Variants in CSMD1 observed in about 807,000 individuals in gnomAD.
CSMD1 encodes the protein CUB and sushi domain-containing protein 1.
CSMD1 carries 213 observed loss-of-function variants against 417.5 expected under a neutral mutation model. The observed-to-expected ratio is 0.51, with a 90% confidence interval of 0.46 to 0.57. The LOEUF (loss-of-function observed/expected upper bound fraction) is 0.57. CSMD1 is among the 20% of genes least tolerant of loss of function. The pLI is 0.00. For missense variants in CSMD1, 6,923 were observed against 4,529.7 expected, an observed-to-expected ratio of 1.53 and a Z score of -15.17; for synonymous variants, 2,862 against 1,736.8, an observed-to-expected ratio of 1.65 and a Z score of -16.11.
At chr8:4,431,360 A>G (rs1363836533) in intron 2 of CSMD1, among the ~76,000 whole-genome samples, 2 of 152,196 alleles carry the variant, frequency 1.3e-5, no homozygotes, top group East Asian at 1.9e-4. Context: ...ATTGAAACCA[A>G]TAGTTGGGAG....
At chr8:4,106,177 C>G (rs1474887893) in intron 3 of CSMD1, among the ~76,000 whole-genome samples, 2 of 152,102 alleles carry the variant, frequency 1.3e-5, no homozygotes, top group Non-Finnish European at 2.9e-5. Flanking sequence ...GCGTCTGTGC[C>G]TGATGGACAC....
At chr8:4,291,734 G>T (rs530271737) in intron 3 of CSMD1, among the ~76,000 whole-genome samples, 1 of 152,102 alleles carries the variant, frequency 6.6e-6, no homozygotes, top group Middle Eastern at 3.4e-3. Flanking sequence ...AGTTATATGC[G>T]GAGACAAAAG....
intron 1 of CSMD1, among the ~76,000 whole-genome samples, chr8:4,828,028 A>C (rs1799934266): frequency 6.6e-6 from 1 of 152,190 alleles, no homozygotes; most frequent in Non-Finnish European, 1.5e-5. Context: ...TATTTAAGCC[A>C]GCTACAATCA....
At chr8:4,128,291 G>T (rs541281663) in intron 3 of CSMD1, among the ~76,000 whole-genome samples, 2 of 152,146 alleles carry the variant, frequency 1.3e-5, no homozygotes, top group African/African-American at 2.4e-5. Context: ...GATCTGAGAA[G>T]ACTCGTGAAT....
rs539815857 is a variant in CSMD1, at chr8:3,851,842, T to C, written c.819-97800A>G. ...TGAGAGACTGAGGGCGCCAGGAGGG[T>C]CGGGTGGGAGCAGACATGGCCATGC... On this transcript the variant is annotated intron_variant, in intron 5 of 69. Transcript: ENST00000635120. 4.0e-5 allele frequency among the ~76,000 whole-genome samples: 6 copies of C among 151,782 alleles called. No individual in the cohort carries two copies. In the East Asian group the frequency reaches 9.7e-4, roughly 25 times the overall value.
At chr8:4,581,429 G>A (rs1189412093) in intron 2 of CSMD1, among the ~76,000 whole-genome samples, 2 of 152,004 alleles carry the variant, frequency 1.3e-5, no homozygotes. Context: ...TTTGAGCTTG[G>A]CAGATCTAGC....
At chr8:3,655,386 T>C (rs1161051862) in intron 7 of CSMD1, among the ~76,000 whole-genome samples, 1 of 152,254 alleles carries the variant, frequency 6.6e-6, no homozygotes, top group Non-Finnish European at 1.5e-5. Context: ...TTTTTCACTA[T>C]TACTCTAGTC....
intron 7 of CSMD1, among the ~76,000 whole-genome samples, chr8:3,629,920 G>T (rs2245017): frequency 0.8 from 120,951 of 152,084 alleles, 48,128 homozygotes; most frequent in Middle Eastern, 0.89. Context: ...AAATTTTCTT[G>T]TCACAGTGTT....
At chr8:2,957,229 C>G (rs1044703360) in intron 63 of CSMD1, among the ~76,000 whole-genome samples, 3 of 152,142 alleles carry the variant, frequency 2.0e-5, no homozygotes, top group African/African-American at 7.2e-5. Context: ...TTAAACACTT[C>G]TACTTAGACT....
At chr8:4,043,002 T>C (rs1448763074) in intron 3 of CSMD1, among the ~76,000 whole-genome samples, 1 of 151,518 alleles carries the variant, frequency 6.6e-6, no homozygotes. Flanking sequence ...TGTGGTGACT[T>C]GCACCTGTAG....
In CSMD1 at chr8:3,878,977, C is replaced by T. The variant is rs116227757; in HGVS notation, c.818+118926G>A. Among the ~76,000 whole-genome samples, 195 of 152,178 alleles carry T rather than the reference C, an allele frequency of 1.3e-3. 1 individual carries two copies. The highest frequency in any genetic ancestry group is 4.5e-3 in the African/African-American group (187 of 41,512). ...TAAGTTTTTAAAATCATGATGCAAG[C>T]ACTTCAAGCAAAAAATAATATATTA... On this transcript the variant is annotated intron_variant, in intron 5 of 69. Coordinates refer to ENST00000635120, the MANE Select transcript of CSMD1 (RefSeq NM_033225.6).
chr8:4,175,197 G>A (rs1463623713), intron 3 of CSMD1, among the ~76,000 whole-genome samples: 1 of 151,974 alleles, frequency 6.6e-6, no homozygotes, highest in African/African-American at 2.4e-5. Context: ...TCTTACTGGG[G>A]AAAATTGAGC....
chr8:4,353,880 C>T (rs991237485), intron 3 of CSMD1, among the ~76,000 whole-genome samples: 5 of 152,096 alleles, frequency 3.3e-5, no homozygotes, highest in African/African-American at 1.2e-4. Context: ...AGCAATAGTG[C>T]CAGGGAAAAG....
At chr8:3,951,819 G>GTAACTCAAAGT (rs1484115708) in intron 5 of CSMD1, among the ~76,000 whole-genome samples, 1 of 151,952 alleles carries the variant, frequency 6.6e-6, no homozygotes, top group Non-Finnish European at 1.5e-5. Flanking sequence ...GTGAAAAATA[G>GTAACTCAAAGT]TAACTCAAAG....
intron 3 of CSMD1, among the ~76,000 whole-genome samples, chr8:4,164,899 A>G (rs1477639195): frequency 6.6e-6 from 1 of 151,144 alleles, no homozygotes; most frequent in African/African-American, 2.4e-5. Context: ...AAATATATAT[A>G]TATGTATATA....
intron 54 of CSMD1, among the ~76,000 whole-genome samples, chr8:2,982,171 C>A (rs1805481261): frequency 6.6e-6 from 1 of 152,090 alleles, no homozygotes; most frequent in Non-Finnish European, 1.5e-5. Context: ...GCCTGGCCAA[C>A]ACGGCGAAAC....
intron 6 of CSMD1, 31 bp downstream of exon 6, chr8:3,753,899 T>A (rs1167324697): frequency 1.4e-6 from 2 of 1,468,472 alleles, no homozygotes; most frequent in Non-Finnish European, 1.9e-6. Context: ...GCTCTGTTTT[T>A]TTTTTTTCTT....
At chr8:4,072,959 T>G (rs1166821115) in intron 3 of CSMD1, among the ~76,000 whole-genome samples, 1 of 152,214 alleles carries the variant, frequency 6.6e-6, no homozygotes, top group African/African-American at 2.4e-5. Context: ...TTTAAAATTT[T>G]GCTCGTGACA....
chr8:4,011,806 A>C (rs1816559250), intron 4 of CSMD1, among the ~76,000 whole-genome samples: 1 of 152,192 alleles, frequency 6.6e-6, no homozygotes, highest in South Asian at 2.1e-4. Context: ...AATAAAAATT[A>C]CACTGGAATA....
Sources: gnomAD v4.1 joint callset for allele counts (sites outside exome capture counted in the v4.1 genomes callset) on GRCh38, gnomAD v4.1.1 for gene constraint, MANE v1.5 for transcripts, NCBI Gene and HGNC (gene_info 2026-07-23, HGNC 2026-07-21) for gene names.